Variants in PDE1C observed in about 807,000 individuals in gnomAD.
PDE1C encodes the protein phosphodiesterase 1C.
PDE1C carries 62 observed loss-of-function variants against 93.1 expected under a neutral mutation model. The observed-to-expected ratio is 0.67, with a 90% CI of 0.54 to 0.82. The LOEUF is 0.82. Ranked by LOEUF, PDE1C falls within the 40% of genes least tolerant of loss-of-function variation. The probability of loss-of-function intolerance (pLI) is 0.00; values close to 1 mark genes in which losing one functional copy is unlikely to be tolerated. For missense variants in PDE1C, 742 were observed against 884.6 expected (o/e 0.84, Z 2.04); for synonymous variants, 325 against 310.1 (o/e 1.05, Z -0.50).
At chr7:32,265,180 C>A (rs1025552402) in intron 1 of PDE1C, among the ~76,000 whole-genome samples, 6 of 152,214 alleles carry the variant, frequency 3.9e-5, no homozygotes, top group Non-Finnish European at 8.8e-5. Context: ...TCTCACTACC[C>A]CTTAGCCCAG....
At chr7:31,755,282 T>C (rs566617672) in intron 17 of PDE1C, among the ~76,000 whole-genome samples, 1 of 152,306 alleles carries the variant, frequency 6.6e-6, no homozygotes, top group South Asian at 2.1e-4. Flanking sequence ...ATACAGGTGA[T>C]TATATATAAA....
chr7:32,363,418 C>A (rs1400649666), intron 1 of PDE1C, among the ~76,000 whole-genome samples: 2 of 152,242 alleles, frequency 1.3e-5, no homozygotes, highest in East Asian at 3.8e-4. Flanking sequence ...CCTCTATTGC[C>A]TTCTACAAAG....
intron 2 of PDE1C, among the ~76,000 whole-genome samples, chr7:31,958,347 T>C (rs776803725): frequency 9.2e-5 from 14 of 152,338 alleles, no homozygotes; most frequent in Admixed American, 2.0e-4. Flanking sequence ...CAGAGGTGCA[T>C]CTGACATTAT....
downstream of PDE1C, among the ~76,000 whole-genome samples, chr7:31,750,611 CTAAAGTT>C (rs1175947903): frequency 3.9e-5 from 6 of 152,334 alleles, no homozygotes; most frequent in South Asian, 2.1e-4. Context: ...GCTAAAGAAA[CTAAAGTT>C]TAGAGATATT....
chr7:32,328,274 T>A (rs1013808315), intron 1 of PDE1C, among the ~76,000 whole-genome samples: 1 of 152,230 alleles, frequency 6.6e-6, no homozygotes, highest in Non-Finnish European at 1.5e-5. Context: ...AAGGTTCTAG[T>A]TAAATAGCCT....
rs145790886 is a variant in PDE1C, at chr7:32,341,798, G to A, written c.310+86024C>T. Reference sequence around the variant, plus strand: ...GGCCAGCTCAAGGCTGTTTGCATGAGGTCATGTAGCTTGGTGGTTGGGCTC... The same window carrying A: ...GGCCAGCTCAAGGCTGTTTGCATGAAGTCATGTAGCTTGGTGGTTGGGCTC... On this transcript the variant is annotated intron_variant, in intron 1 of 1. Coordinates refer to the PDE1C transcript ENST00000672256. 2.9e-3 allele frequency among the ~76,000 whole-genome samples: 443 copies of A among 152,264 alleles called. 3 individuals are homozygous for A. Among genetic ancestry groups the A allele is most frequent in the African/African-American group, 1.0e-2 (415 of 41,548 alleles).
At chr7:32,403,730 G>A (rs993905379) in intron 1 of PDE1C, among the ~76,000 whole-genome samples, 12 of 152,084 alleles carry the variant, frequency 7.9e-5, no homozygotes, top group Non-Finnish European at 1.2e-4. Context: ...GCTTTGGCAC[G>A]GAGCTCCCTC....
At chr7:31,869,549 G>T (rs1055641793) in intron 6 of PDE1C, among the ~76,000 whole-genome samples, 56 of 152,110 alleles carry the variant, frequency 3.7e-4, no homozygotes, top group Middle Eastern at 6.8e-3. Flanking sequence ...AATGAAAAAG[G>T]AATCAATTCA....
chr7:31,630,622 A>C, the PDE1C span, among the ~76,000 whole-genome samples: 15 of 152,322 alleles, frequency 9.8e-5, no homozygotes, highest in African/African-American at 3.6e-4. Context: ...CGAGTATGTC[A>C]CATATTTACC....
At chr7:31,927,676 G>A (rs1803582814) in intron 2 of PDE1C, among the ~76,000 whole-genome samples, 1 of 152,162 alleles carries the variant, frequency 6.6e-6, no homozygotes. Context: ...TGGACCTCCA[G>A]CAAACTCCAG....
At chr7:31,732,611 TTCTC>T in the PDE1C span, among the ~76,000 whole-genome samples, 11 of 143,902 alleles carry the variant, frequency 7.6e-5, no homozygotes, top group East Asian at 2.1e-4. Context: ...CTTTAAATCT[TTCTC>T]TCTCTCTCTC....
intron 3 of PDE1C, among the ~76,000 whole-genome samples, chr7:32,087,949 T>G (rs1437429384): frequency 6.6e-6 from 1 of 151,932 alleles, no homozygotes; most frequent in Admixed American, 6.5e-5. Context: ...CATGTATACA[T>G]ATGTAACAAA....
chr7:32,064,619 C>A (rs1584668451), intron 1 of PDE1C, among the ~76,000 whole-genome samples: 1 of 152,242 alleles, frequency 6.6e-6, no homozygotes, highest in East Asian at 1.9e-4. Context: ...TCCAGCTTAA[C>A]ATCTTTTAAC....
At chr7:31,967,157 C>T (rs574062299) in intron 2 of PDE1C, among the ~76,000 whole-genome samples, 24 of 152,212 alleles carry the variant, frequency 1.6e-4, no homozygotes, top group African/African-American at 3.6e-4. Flanking sequence ...TTCAAAAAAT[C>T]AATGAATCCA....
chr7:32,071,502 C>T (rs2301934), upstream of PDE1C: 721 of 777,938 alleles, frequency 9.3e-4, 16 homozygotes, highest in Admixed American at 0.038. Context: ...TTTCACCCCC[C>T]CACCCCCATC....
At chr7:31,805,755 T>C (rs1323442149) in intron 16 of PDE1C, among the ~76,000 whole-genome samples, 97 of 144,448 alleles carry the variant, frequency 6.7e-4, no homozygotes, top group East Asian at 2.5e-3. Flanking sequence ...CTTGGTCTTC[T>C]TGGATTTTTA....
chr7:31,872,040 G>A (rs568569777), intron 6 of PDE1C, among the ~76,000 whole-genome samples: 5 of 6,338 alleles, frequency 7.9e-4, no homozygotes, highest in South Asian at 0.018. Context: ...AATACTATTC[G>A]GCCATAAAAA....
At chr7:32,247,796 T>C (rs1809076323) in intron 1 of PDE1C, among the ~76,000 whole-genome samples, 1 of 152,136 alleles carries the variant, frequency 6.6e-6, no homozygotes, top group South Asian at 2.1e-4. Context: ...GGCTATGATG[T>C]TGAGCAGGTT....
chr7:31,630,244 CAAAAA>C, the PDE1C span, among the ~76,000 whole-genome samples: 6 of 103,718 alleles, frequency 5.8e-5, no homozygotes, highest in African/African-American at 1.5e-4. Context: ...GTCTACTTGG[CAAAAA>C]AAAAAAAAAA....
Sources: gnomAD v4.1 joint callset for allele counts (sites outside exome capture counted in the v4.1 genomes callset) on GRCh38, gnomAD v4.1.1 for gene constraint, MANE v1.5 for transcripts, NCBI Gene and HGNC (gene_info 2026-07-23, HGNC 2026-07-21) for gene names.